The following PCDHGA3 variants were observed in gnomAD, a reference collection of about 807,000 sequenced individuals.
PCDHGA3 encodes the protein protocadherin gamma subfamily A, 3, also known as protocadherin gamma-A3.
PCDHGA3 carries 40 observed loss-of-function variants against 58.5 expected under a neutral mutation model. The ratio of observed to expected loss-of-function variants is 0.68; its 90% CI spans 0.53 to 0.89. The LOEUF (loss-of-function observed/expected upper bound fraction) is 0.89, where lower values mean the gene tolerates loss of function less well. PCDHGA3 is among the 40% of genes least tolerant of loss of function. The pLI, the probability that PCDHGA3 is intolerant of heterozygous loss-of-function variation, is 0.00. For missense variants in PCDHGA3, 1,223 were observed against 1,195.9 expected, an observed-to-expected ratio of 1.02 and a Z score of -0.33; for synonymous variants, 530 against 525.7, an observed-to-expected ratio of 1.01 and a Z score of -0.11.
chr5:141,413,217 C>A (rs762828191), intron 1 of PCDHGA3: 8 of 1,613,184 alleles, frequency 5.0e-6, no homozygotes, highest in African/African-American at 1.3e-5. Context: ...CAAAGGATTG[C>A]AGCGGGCTGG....
In PCDHGA3 at chr5:141,438,327, A is replaced by G. The variant is rs369043587; in HGVS notation, c.2425-56480A>G. 1.5e-4 allele frequency among the ~76,000 whole-genome samples: 23 copies of G among 152,106 alleles called. No homozygotes were observed. The East Asian group carries it at 4.1e-3, about 27-fold the overall frequency. ...TTGGTACCACCATAATTTTTCTTAT[A>G]CATGTCATATAAGGATCTACTCTGT... On this transcript the variant is annotated intron_variant, in intron 1 of 3. Transcript: ENST00000253812.
chr5:141,359,472 T>G (rs1033870271), intron 1 of PCDHGA3, among the ~76,000 whole-genome samples: 1 of 151,384 alleles, frequency 6.6e-6, no homozygotes, highest in African/African-American at 2.4e-5. Flanking sequence ...ATTAAACAAA[T>G]TGTTGTATAT....
chr5:141,357,791 A>C, intron 1 of PCDHGA3: 1 of 828,800 alleles, frequency 1.2e-6, no homozygotes, highest in African/African-American at 1.7e-5. Flanking sequence ...AGTATTTACC[A>C]CACAAAAATG....
chr5:141,422,472 G>T, intron 1 of PCDHGA3: 2 of 1,613,680 alleles, frequency 1.2e-6, no homozygotes, highest in Non-Finnish European at 1.7e-6. Flanking sequence ...ACAGGGAGTT[G>T]GTCCAGAGCT....
At chr5:141,389,969 C>CTTGA (rs746625491) in intron 1 of PCDHGA3, 8 of 1,613,924 alleles carry the variant, frequency 5.0e-6, no homozygotes, top group Non-Finnish European at 6.8e-6. Flanking sequence ...TGGCCTTGGC[C>CTTGA]TTGATCTCAG....
In PCDHGA3 at chr5:141,394,482, G is replaced by T. The variant is rs751618237; in HGVS notation, c.2424+48025G>T. On this transcript the variant is annotated intron_variant, in intron 1 of 3. Coordinates refer to ENST00000253812, the MANE Select transcript of PCDHGA3 (RefSeq NM_018916.4). ...GAGCCTGTTCGTGCTGGACCAGAAT[G>T]ACAACGCGCCCGAGATCCTGTACCC... 8 of 1,614,122 alleles carry T rather than the reference G, an allele frequency of 5.0e-6. No homozygotes were observed. The African/African-American group carries it at 1.1e-4, about 22-fold the overall frequency.
At chr5:141,455,438 C>G (rs1350941007) in intron 1 of PCDHGA3, among the ~76,000 whole-genome samples, 1 of 152,082 alleles carries the variant, frequency 6.6e-6, no homozygotes, top group Non-Finnish European at 1.5e-5. Context: ...GAGGAGGTCC[C>G]CATCTACCGC....
At chr5:141,468,560 T>G (rs571224791) in intron 1 of PCDHGA3, 1 of 152,004 alleles carries the variant, frequency 6.6e-6, no homozygotes, top group Non-Finnish European at 1.5e-5. Flanking sequence ...ATTTGTGATA[T>G]AGTAAACAAT....
chr5:141,387,299 G>A (rs1405240674), intron 1 of PCDHGA3, among the ~76,000 whole-genome samples: 2 of 152,182 alleles, frequency 1.3e-5, no homozygotes, highest in South Asian at 2.1e-4. Flanking sequence ...AATGTATCCA[G>A]TATATTTCTA....
At chr5:141,386,808 A>C (rs1477071186) in intron 1 of PCDHGA3, among the ~76,000 whole-genome samples, 1 of 152,258 alleles carries the variant, frequency 6.6e-6, no homozygotes, top group Non-Finnish European at 1.5e-5. Flanking sequence ...TATTAGATGC[A>C]TAAAATTGTT....
chr5:141,415,823 G>T (rs529200891), intron 1 of PCDHGA3: 1 of 1,316,022 alleles, frequency 7.6e-7, no homozygotes, highest in East Asian at 2.8e-5. Context: ...ATATCATAAG[G>T]CTTTGTTATG....
In PCDHGA3 at chr5:141,357,311, T is replaced by C. The variant is rs749963588; in HGVS notation, c.2424+10854T>C. 100 of 1,613,940 alleles carry C rather than the reference T, an allele frequency of 6.2e-5. No individual in the cohort carries two copies. The Middle Eastern group carries it at 2.1e-3, about 34-fold the overall frequency. ...GCAGTGGCCGCTGTCTCCTGCGTCT[T>C]CCTGGCTTTTGTCACGGTGCTGCTA... On this transcript the variant is annotated intron_variant, in intron 1 of 3. Coordinates refer to ENST00000253812, the MANE Select transcript of PCDHGA3 (RefSeq NM_018916.4).
At chr5:141,428,532 C>T (rs1561836699) in intron 1 of PCDHGA3, 7 of 277,518 alleles carry the variant, frequency 2.5e-5, no homozygotes, top group Non-Finnish European at 5.0e-5. Context: ...TTAATTTTCT[C>T]ACCATGACAC....
chr5:141,374,196 A>T, intron 1 of PCDHGA3: 1 of 1,613,838 alleles, frequency 6.2e-7, no homozygotes, highest in Non-Finnish European at 8.5e-7. Flanking sequence ...ATTCCCGAGG[A>T]GCTGGAGAAA....
Position 141,493,404 on chromosome 5 carries a change from C to T in PCDHGA3, c.2425-1403C>T, listed in dbSNP as rs2099748048. Among the ~76,000 whole-genome samples, 1 of 152,148 alleles carries T rather than the reference C, an allele frequency of 6.6e-6. No individual in the cohort carries two copies. Among genetic ancestry groups the T allele is most frequent in the South Asian group, 2.1e-4 (1 of 4,826 alleles). ...CTTGAGGACAGGAGAGGGGAGTTGC[C>T]TCTGCTGGGATTTTGCTTCTGCTGG... On this transcript the variant is annotated intron_variant, in intron 1 of 3. Transcript: ENST00000253812. The surrounding 1 kb of genome is among the most constrained non-coding windows in gnomAD (Gnocchi z 4.3).
Position 141,438,625 on chromosome 5 carries a change from TATATATATATACAC to T in PCDHGA3, c.2425-56180_2425-56167del, listed in dbSNP as rs1291649000. Among the ~76,000 whole-genome samples, 88 of 46,398 alleles carry T rather than the reference TATATATATATACAC, an allele frequency of 1.9e-3. 1 individual carries two copies. The highest frequency in any genetic ancestry group is 8.6e-3 in the African/African-American group (72 of 8,380). 30.4% of individuals were successfully genotyped at this position (46,398 alleles called of 152,430 possible). A position where few individuals can be genotyped will look rare whatever the true frequency, so the allele number is the denominator to read the frequency against. ...ATATATATATATATATATATATATATATATATATATACACACACACACACACATATATGTATATA... is the reference window on the plus strand; with the variant it reads ...ATATATATATATATATATATATATATACACACACACACATATATGTATATA... On this transcript the variant is annotated intron_variant, in intron 1 of 3. Transcript: ENST00000253812.
At chr5:141,468,330 C>CAAAAA (rs533390277) in intron 1 of PCDHGA3, 4 of 79,848 alleles carry the variant, frequency 5.0e-5, no homozygotes, top group African/African-American at 7.8e-5. Context: ...AACTCCATCT[C>CAAAAA]AAAAAAAAAA....
chr5:141,413,842 G>C, intron 1 of PCDHGA3: 1 of 1,613,294 alleles, frequency 6.2e-7, no homozygotes, highest in Non-Finnish European at 8.5e-7. Flanking sequence ...CGACGGGGGT[G>C]ACCCTCTCCG....
At position 141,486,059 on chromosome 5, in the gene PCDHGA3, C is replaced by T. The variant is rs141349392; in HGVS notation, c.2425-8748C>T. ...TCGTGTAAGAAACCTCTTTAGCCTG[C>T]ACCCCACTACTGGAAAGCTTACTCT... On this transcript the variant is annotated intron_variant, in intron 1 of 3. Transcript: ENST00000253812. The surrounding 1 kb of genome is among the most constrained non-coding windows in gnomAD (Gnocchi z 5.0). The T allele has an allele frequency of 9.0e-5, 146 of 1,614,034 alleles. No individual in the cohort carries two copies. The highest frequency in any genetic ancestry group is 1.2e-4 in the Non-Finnish European group (138 of 1,180,018).
Sources: allele counts gnomAD v4.1 joint callset (sites outside exome capture counted in the v4.1 genomes callset), GRCh38; gene constraint gnomAD v4.1.1; non-coding constraint Gnocchi (gnomAD v3.1); transcripts MANE v1.5; gene names NCBI Gene and HGNC (gene_info 2026-07-23, HGNC 2026-07-21).